Variants in NDE1 observed in about 807,000 individuals in gnomAD.
NDE1 encodes the protein nudE neurodevelopment protein 1.
Under a neutral mutation model 43.4 loss-of-function variants are expected in NDE1, and 28 were observed. That is an observed-to-expected ratio of 0.65 (90% CI 0.48 to 0.89). NDE1 has a LOEUF of 0.89. Ranked by LOEUF, NDE1 falls within the 40% of genes least tolerant of loss-of-function variation. The probability of loss-of-function intolerance (pLI) is 0.00; values close to 1 mark genes in which losing one functional copy is unlikely to be tolerated. For missense variants in NDE1, 441 were observed against 434.1 expected (o/e 1.02, Z -0.14); for synonymous variants, 184 against 172.0 (o/e 1.07, Z -0.55).
intron 8 of NDE1, chr16:15,717,230 T>C: frequency 6.2e-7 from 1 of 1,614,168 alleles, no homozygotes; most frequent in Non-Finnish European, 8.5e-7. Flanking sequence ...GACGGCCCCC[T>C]CCATCTCGTG....
At chr16:15,690,915 CT>C (rs1315472241) in intron 5 of NDE1, among the ~76,000 whole-genome samples, 2 of 152,134 alleles carry the variant, frequency 1.3e-5, no homozygotes, top group African/African-American at 4.8e-5. Context: ...TCAAATGATT[CT>C]CATGCCTCAT....
At chr16:15,713,609 C>T (rs2039945012) in intron 8 of NDE1, 1 of 152,274 alleles carries the variant, frequency 6.6e-6, no homozygotes, top group African/African-American at 2.4e-5. Flanking sequence ...GATCGTCCCA[C>T]CTCAGCCTCC....
Position 15,721,040 on chromosome 16 carries a change from C to T in NDE1, c.948-3151C>T, listed in dbSNP as rs2040445031. ...TCTCCAGGGCCCGCTTGGACTTCTC[C>T]AGCTCATGGACCTGCCGGCAGAGCG... On this transcript the variant is annotated intron_variant, in intron 8 of 8. Coordinates refer to ENST00000396354, the MANE Select transcript of NDE1 (RefSeq NM_017668.3). 3 of 1,613,878 alleles carry T rather than the reference C, an allele frequency of 1.9e-6. No homozygotes were observed. Among genetic ancestry groups the T allele is most frequent in the Non-Finnish European group, 2.5e-6 (3 of 1,180,024 alleles).
chr16:15,696,852 T>C lies in NDE1; in HGVS notation c.939T>C (p.Gly313=), dbSNP rs1216442514. 1 of 1,613,872 alleles carries C rather than the reference T, an allele frequency of 6.2e-7. No individual in the cohort carries two copies. Among genetic ancestry groups the C allele is most frequent in the Non-Finnish European group, 8.5e-7 (1 of 1,179,986 alleles). ...CAAGCAGCACCAGCGTGCCTTTGGG[T>C]GATAAGGGGTCAGTACCTTCTAATA... ...RRPSSTSVPL[G]DKGLDTSCRW... Residue 313 remains glycine, a synonymous_variant, in exon 8 of 9, where the codon GGT becomes GGC. Coordinates refer to ENST00000396354, the MANE Select transcript of NDE1 (RefSeq NM_017668.3).
chr16:15,684,949 T>A (rs1022991235), intron 4 of NDE1, among the ~76,000 whole-genome samples: 6 of 152,228 alleles, frequency 3.9e-5, no homozygotes, highest in African/African-American at 1.4e-4. Flanking sequence ...TTTTACAGAG[T>A]TCCTCTGATC....
chr16:15,694,368 C>T lies in NDE1; in HGVS notation c.795+112C>T. ...TTCTTTTTTTCTTTTTTTTTAGAGA[C>T]AGGGTCTTGCTCTGTTGCTCAGGCT... On this transcript the variant is annotated intron_variant, in intron 7 of 8. Coordinates refer to ENST00000396354, the MANE Select transcript of NDE1 (RefSeq NM_017668.3). 6.5e-6 allele frequency: 10 copies of T among 1,541,266 alleles called. No individual in the cohort carries two copies. The South Asian group carries it at 9.6e-5, about 15-fold the overall frequency.
chr16:15,709,157 G>T (rs1468756186), intron 8 of NDE1, among the ~76,000 whole-genome samples: 1 of 151,702 alleles, frequency 6.6e-6, no homozygotes, highest in Admixed American at 6.6e-5. Flanking sequence ...GGTCAGGCTT[G>T]TCTCCAACTC....
At chr16:15,714,762 T>G in intron 8 of NDE1, 1 of 1,044,434 alleles carries the variant, frequency 9.6e-7, no homozygotes, top group Non-Finnish European at 1.4e-6. Flanking sequence ...ACACTAAGCT[T>G]AGTGATTAAG....
At chr16:15,686,075 C>T (rs1200614742) in intron 4 of NDE1, among the ~76,000 whole-genome samples, 1 of 151,962 alleles carries the variant, frequency 6.6e-6, no homozygotes, top group Non-Finnish European at 1.5e-5. Flanking sequence ...TCTCACCCTC[C>T]CGAGCAGCTG....
At position 15,717,153 on chromosome 16, in the gene NDE1, C is replaced by G. The variant is rs750433973; in HGVS notation, c.948-7038C>G. On this transcript the variant is annotated intron_variant, in intron 8 of 8. Coordinates refer to ENST00000396354, the MANE Select transcript of NDE1 (RefSeq NM_017668.3). Reference sequence around the variant, plus strand: ...ACACCCGCATACCTGGCCTCCTGCTCGACCTGCTCCTCCAGCTGTGCAATC... The same window carrying G: ...ACACCCGCATACCTGGCCTCCTGCTGGACCTGCTCCTCCAGCTGTGCAATC... 6.2e-7 allele frequency: 1 copy of G among 1,614,070 alleles called. No homozygotes were observed. Among genetic ancestry groups the G allele is most frequent in the Non-Finnish European group, 8.5e-7 (1 of 1,180,038 alleles).
chr16:15,724,490 G>GA lies in NDE1; in HGVS notation c.*241dup, dbSNP rs1455580299. ...CCTGGCCCCACAGACTCTGAGAAGC[G>GA]AAGACCATGTCTCCTCGTTGGAGAA... On this transcript the variant is annotated 3_prime_UTR_variant, in exon 9 of 9. Coordinates refer to ENST00000396354, the MANE Select transcript of NDE1 (RefSeq NM_017668.3). 6.2e-7 allele frequency: 1 copy of GA among 1,608,444 alleles called. No homozygotes were observed. The highest frequency in any genetic ancestry group is 8.5e-7 in the Non-Finnish European group (1 of 1,178,024).
chr16:15,695,755 G>C lies in NDE1; in HGVS notation c.796-954G>C, dbSNP rs907194028. On this transcript the variant is annotated intron_variant, in intron 7 of 8. Coordinates refer to ENST00000396354, the MANE Select transcript of NDE1 (RefSeq NM_017668.3). ...TTGTTTTTACTTCTGGTTTTTGGCT[G>C]TCTGGTTTGCTATTCTAGAAGCAGG... 4.1e-6 allele frequency: 4 copies of C among 967,802 alleles called. No homozygotes were observed. In the African/African-American group the frequency reaches 7.0e-5, roughly 17 times the overall value. The allele number at this position is 967,802 out of a possible 1,614,324, so 60.0% of individuals were successfully genotyped here.
At chr16:15,669,365 T>A (rs1227868607) in intron 3 of NDE1, among the ~76,000 whole-genome samples, 1 of 148,954 alleles carries the variant, frequency 6.7e-6, no homozygotes, top group Non-Finnish European at 1.5e-5. Context: ...GGCTAATTTT[T>A]TTTTTTTTTT....
rs200687524 is a variant in NDE1 at position 15,706,412 on chromosome 16, CCCTG to C, written c.947+9553_947+9556del. Among the ~76,000 whole-genome samples, 1,370 of 152,288 alleles carry C rather than the reference CCCTG, an allele frequency of 9.0e-3. 69 individuals carry two copies. Among genetic ancestry groups the C allele is most frequent in the Admixed American group, 0.081 (1,235 of 15,266 alleles). On this transcript the variant is annotated intron_variant, in intron 8 of 8. Transcript: ENST00000396354. ...TCACAGTTTTAACTCCAGGTTCAAA[CCCTG>C]ATGGGTTGGCCAGTTGCTGCGACTC...
intron 6 of NDE1, among the ~76,000 whole-genome samples, chr16:15,691,799 T>C (rs994577386): frequency 6.6e-6 from 1 of 151,800 alleles, no homozygotes; most frequent in African/African-American, 2.4e-5. Context: ...TGGCTAACTT[T>C]TGTATTTTAG....
At chr16:15,720,465 G>A (rs1193307071) in intron 8 of NDE1, among the ~76,000 whole-genome samples, 4 of 152,096 alleles carry the variant, frequency 2.6e-5, no homozygotes, top group African/African-American at 7.2e-5. Context: ...ACGGAATCAC[G>A]CCGGGCGTGG....
rs746284874 is a variant in NDE1, at chr16:15,721,581, T to C, written c.948-2610T>C. The stretch of plus-strand genomic sequence containing the variant: ...CCTTCTCCCTGGCTTCTGCCTCAGC[T>C]CTGTCCCTCTCATCCGCGTATTTGG... On this transcript the variant is annotated intron_variant, in intron 8 of 8. Coordinates refer to ENST00000396354, the MANE Select transcript of NDE1 (RefSeq NM_017668.3). 1.2e-6 allele frequency: 2 copies of C among 1,614,016 alleles called. No individual in the cohort carries two copies. Among genetic ancestry groups the C allele is most frequent in the Admixed American group, 1.7e-5 (1 of 59,980 alleles).
chr16:15,678,219 G>C (rs748814459), intron 4 of NDE1, among the ~76,000 whole-genome samples: 1 of 152,156 alleles, frequency 6.6e-6, no homozygotes, highest in African/African-American at 2.4e-5. Context: ...AGCGTCAGGC[G>C]AGCCTTACCA....
At position 15,694,587 on chromosome 16, in the gene NDE1, ATCC is replaced by A. The variant is rs2038922652; in HGVS notation, c.795+335_795+337del. The A allele has an allele frequency of 7.4e-5, 72 of 968,800 alleles. No individual in the cohort carries two copies. The South Asian group carries it at 2.9e-3, about 39-fold the overall frequency. 60.0% of individuals were successfully genotyped at this position (968,800 alleles called of 1,614,324 possible). On this transcript the variant is annotated intron_variant, in intron 7 of 8. Coordinates refer to ENST00000396354, the MANE Select transcript of NDE1 (RefSeq NM_017668.3). Reference sequence around the variant, plus strand: ...GGTCTTAAACTCCTGGCCTCAAGTGATCCTCCCAGGTTGGCCTCCCAAAGTTCT... The same window carrying A: ...GGTCTTAAACTCCTGGCCTCAAGTGATCCCAGGTTGGCCTCCCAAAGTTCT...
Sources: gnomAD v4.1 joint callset for allele counts (sites outside exome capture counted in the v4.1 genomes callset) on GRCh38, gnomAD v4.1.1 for gene constraint, MANE v1.5 for transcripts, NCBI Gene and HGNC (gene_info 2026-07-23, HGNC 2026-07-21) for gene names.